The following PLA2R1 variants were observed in gnomAD, a reference collection of about 807,000 sequenced individuals.
The protein encoded by PLA2R1 is phospholipase A2 receptor 1, also known as secretory phospholipase A2 receptor.
In PLA2R1, 158 loss-of-function variants were observed where a neutral mutation model predicts 195.9. The observed-to-expected ratio is 0.81, with a 90% CI of 0.71 to 0.92. The LOEUF (loss-of-function observed/expected upper bound fraction) is 0.92. PLA2R1 is among the 40% of genes least tolerant of loss of function. PLA2R1 has a pLI of 0.00. For missense variants in PLA2R1, 1,626 were observed against 1,764.6 expected (o/e 0.92, Z 1.41); for synonymous variants, 586 against 598.2 (o/e 0.98, Z 0.30).
At chr2:160,058,547 A>G (rs1315557137) in intron 1 of PLA2R1, among the ~76,000 whole-genome samples, 1 of 151,010 alleles carries the variant, frequency 6.6e-6, no homozygotes, top group Admixed American at 6.6e-5. Flanking sequence ...ACAAAGCTTC[A>G]AAACCCTTTT....
intron 14 of PLA2R1, among the ~76,000 whole-genome samples, chr2:159,978,244 A>C (rs1689707920): frequency 6.6e-6 from 1 of 152,172 alleles, no homozygotes; most frequent in African/African-American, 2.4e-5. Context: ...TATAATTCAC[A>C]TTACGGGGGT....
At chr2:160,003,904 T>C (rs1449405119) in intron 11 of PLA2R1, among the ~76,000 whole-genome samples, 2 of 152,228 alleles carry the variant, frequency 1.3e-5, no homozygotes, top group African/African-American at 4.8e-5. Flanking sequence ...GTTTCAAATG[T>C]CGACTAATAA....
chr2:159,982,359 A>G (rs2667024), intron 13 of PLA2R1, among the ~76,000 whole-genome samples: 26,628 of 152,070 alleles, frequency 0.18, 5,450 homozygotes, highest in African/African-American at 0.5. Flanking sequence ...TCTGTATTAA[A>G]AGGTGTCCCG....
At position 159,937,764 on chromosome 2, in the gene PLA2R1, G is replaced by A. The variant is rs1026235037; in HGVS notation, c.*4014C>T. 2.6e-5 allele frequency: 4 copies of A among 152,166 alleles called. No homozygotes were observed. The highest frequency in any genetic ancestry group is 9.7e-5 in the African/African-American group (4 of 41,450). 9.4% of individuals were successfully genotyped at this position (152,166 alleles called of 1,614,324 possible). A position where few individuals can be genotyped will look rare whatever the true frequency, so the allele number is the denominator to read the frequency against. Reference sequence around the variant, plus strand: ...ACATATTAATTCAGAATATGAACATGGGGCAAAATAACTCATTTCTAAGTC... The same window carrying A: ...ACATATTAATTCAGAATATGAACATAGGGCAAAATAACTCATTTCTAAGTC... On this transcript the variant is annotated 3_prime_UTR_variant, in exon 30 of 30. Transcript: ENST00000283243.
At chr2:160,006,591 C>T (rs1391214187) in intron 10 of PLA2R1, among the ~76,000 whole-genome samples, 2 of 152,210 alleles carry the variant, frequency 1.3e-5, no homozygotes, top group Non-Finnish European at 2.9e-5. Flanking sequence ...TGCACACCTA[C>T]TAAGAAAAAC....
rs551724108 is a variant in PLA2R1 at position 160,001,903 on chromosome 2, C to T, written c.1834+3749G>A. On this transcript the variant is annotated intron_variant, in intron 11 of 29. Transcript: ENST00000283243. Reference sequence around the variant, plus strand: ...AACACTCTCAATAATTGATTGATCACGTGGGCAAAAAATATTGAGGCTATA... The same window carrying T: ...AACACTCTCAATAATTGATTGATCATGTGGGCAAAAAATATTGAGGCTATA... Among the ~76,000 whole-genome samples the T allele has an allele frequency of 5.3e-4, 81 of 151,494 alleles. 1 individual carries two copies. The highest frequency in any genetic ancestry group is 4.4e-3 in the South Asian group (21 of 4,810).
intron 6 of PLA2R1, 67 bp from the exon 7 acceptor site, chr2:160,022,926 T>G: frequency 9.2e-7 from 1 of 1,089,300 alleles, no homozygotes; most frequent in Non-Finnish European, 1.3e-6. Flanking sequence ...TTACAGCTTA[T>G]GTAAATTGCC....
chr2:159,967,500 A>G (rs770009642), intron 20 of PLA2R1, 39 bp downstream of exon 20: 1 of 1,588,472 alleles, frequency 6.3e-7, no homozygotes, highest in East Asian at 2.3e-5. Flanking sequence ...TAGTGTCTAC[A>G]AAAGAGAAAC....
At chr2:160,011,070 G>T (rs2715950) in intron 10 of PLA2R1, among the ~76,000 whole-genome samples, 115,064 of 152,164 alleles carry the variant, frequency 0.76, 43,842 homozygotes, top group East Asian at 0.88. Flanking sequence ...CATGAGCGCT[G>T]GCTACTGAAT....
chr2:160,036,884 G>T (rs1444911680), intron 3 of PLA2R1, among the ~76,000 whole-genome samples: 2 of 131,138 alleles, frequency 1.5e-5, no homozygotes, highest in Non-Finnish European at 3.7e-5. Flanking sequence ...CTGTTCCCTG[G>T]GGAAAAATGG....
intron 20 of PLA2R1, among the ~76,000 whole-genome samples, chr2:159,959,642 A>G (rs945120060): frequency 3.9e-5 from 6 of 152,172 alleles, no homozygotes; most frequent in Admixed American, 1.3e-4. Flanking sequence ...CTAGCTCAAT[A>G]TTTGGAAATG....
intron 11 of PLA2R1, among the ~76,000 whole-genome samples, chr2:159,992,701 C>T (rs959612714): frequency 1.3e-5 from 2 of 151,798 alleles, no homozygotes; most frequent in Non-Finnish European, 1.5e-5. Flanking sequence ...GAGCCCGCAT[C>T]GCCAAGTCAA....
intron 11 of PLA2R1, among the ~76,000 whole-genome samples, chr2:160,004,949 C>T (rs899590663): frequency 6.6e-5 from 10 of 152,250 alleles, no homozygotes; most frequent in Non-Finnish European, 1.0e-4. Context: ...ATTGGATGTA[C>T]CCATATGTGC....
chr2:160,025,340 G>A (rs115555887), intron 6 of PLA2R1, among the ~76,000 whole-genome samples: 2 of 151,962 alleles, frequency 1.3e-5, no homozygotes, highest in African/African-American at 4.8e-5. Context: ...AACAGTGCAA[G>A]ACACCGTCTC....
intron 20 of PLA2R1, among the ~76,000 whole-genome samples, chr2:159,966,837 C>G (rs941900966): frequency 2.0e-5 from 3 of 152,044 alleles, no homozygotes; most frequent in African/African-American, 7.2e-5. Flanking sequence ...CACCTAAGGC[C>G]TATAAAGTTA....
intron 1 of PLA2R1, among the ~76,000 whole-genome samples, chr2:160,050,936 T>C (rs919976531): frequency 1.3e-5 from 2 of 152,186 alleles, no homozygotes; most frequent in Non-Finnish European, 1.5e-5. Context: ...TCACCTCTAC[T>C]TGCCTTTAGT....
Position 159,932,708 on chromosome 2 carries a change from G to A in PLA2R1, c.*9070C>T, listed in dbSNP as rs1686638255. 2.6e-5 allele frequency: 4 copies of A among 152,186 alleles called. No homozygotes were observed. The South Asian group carries it at 8.3e-4, about 32-fold the overall frequency. 9.4% of individuals were successfully genotyped at this position (152,186 alleles called of 1,614,324 possible). The stretch of plus-strand genomic sequence containing the variant: ...TCTCTTAGAAGTAGGAACTCAAGGA[G>A]CTCAAGTTAATTCACAAACAACAGT... On this transcript the variant is annotated 3_prime_UTR_variant, in exon 30 of 30. Transcript: ENST00000283243.
chr2:160,053,250 C>T (rs1695325378), intron 1 of PLA2R1, among the ~76,000 whole-genome samples: 1 of 151,624 alleles, frequency 6.6e-6, no homozygotes, highest in Admixed American at 6.6e-5. Flanking sequence ...GTATACCAGT[C>T]ATAATAGACT....
chr2:160,055,634 T>C (rs1221520745), intron 1 of PLA2R1, among the ~76,000 whole-genome samples: 2 of 152,162 alleles, frequency 1.3e-5, no homozygotes, highest in Non-Finnish European at 2.9e-5. Flanking sequence ...TATTCAGGGA[T>C]CCTTTGCATT....
Sources: allele counts gnomAD v4.1 joint callset (sites outside exome capture counted in the v4.1 genomes callset), GRCh38; gene constraint gnomAD v4.1.1; transcripts MANE v1.5; gene names NCBI Gene and HGNC (gene_info 2026-07-23, HGNC 2026-07-21).